The following ZNF736 variants were observed in gnomAD, a reference collection of about 807,000 sequenced individuals.
The protein encoded by ZNF736 is KRAB-containing zinc-finger repressor protein.
Under a neutral mutation model 11.7 loss-of-function variants are expected in ZNF736, and 6 were observed. The ratio of observed to expected loss-of-function variants is 0.51; its 90% CI spans 0.28 to 1.01. ZNF736 has a LOEUF of 1.01. Ranked by LOEUF, ZNF736 falls within the 50% of genes least tolerant of loss-of-function variation. The pLI, the probability that ZNF736 is intolerant of heterozygous loss-of-function variation, is 0.09. For missense variants in ZNF736, 444 were observed against 496.0 expected (o/e 0.90, Z 1.00); for synonymous variants, 139 against 164.7 (o/e 0.84, Z 1.19).
intron 1 of ZNF736, among the ~76,000 whole-genome samples, chr7:64,320,894 G>A (rs765484264): frequency 2.6e-5 from 4 of 152,056 alleles, no homozygotes; most frequent in Non-Finnish European, 5.9e-5. Context: ...GCATTTTGGG[G>A]TCATCTGAAG....
Position 64,349,016 on chromosome 7 carries a change from A to G in ZNF736, c.1153A>G (p.Thr385Ala), listed in dbSNP as rs774418023. The change falls in exon 4 of 4, where the codon ACT (threonine) becomes GCT (alanine). Residue 385 changes from threonine to alanine, a missense_variant. By Grantham distance (58) the Thr-to-Ala change is moderately conservative (BLOSUM62 0). Transcript: ENST00000423484. ...SKTFKCFSDL[T>A]NHKRIHTGEK... ...AACCTTTAAGTGCTTCTCAGACCTG[A>G]CTAATCATAAGAGAATTCACACTGG... The G allele has an allele frequency of 3.7e-6, 6 of 1,600,810 alleles. No homozygotes were observed. In the Admixed American group the frequency reaches 8.6e-5, roughly 23 times the overall value.
At chr7:64,338,514 A>G (rs555767583) in intron 3 of ZNF736, among the ~76,000 whole-genome samples, 553 of 152,256 alleles carry the variant, frequency 3.6e-3, no homozygotes, top group South Asian at 5.8e-3. Flanking sequence ...CTCCACCTCC[A>G]GGGCCTAGCA....
rs774859880 is a variant in ZNF736 at position 64,348,842 on chromosome 7, G to C, written c.979G>C (p.Ala327Pro). Residue 327 changes from alanine (A) to proline (P), a missense_variant, in exon 4 of 4, where the codon GCC (alanine) becomes CCC (proline). Ala to Pro is a conservative substitution (Grantham distance 27). Coordinates refer to ENST00000423484, the MANE Select transcript of ZNF736 (RefSeq NM_001170905.3). Reference sequence around the variant, plus strand: ...TGGAAAAGCTTTTAAGTGGTTCTCGGCCCTTAGTAAACATAAGAGAATTCA... The same window carrying C: ...TGGAAAAGCTTTTAAGTGGTTCTCGCCCCTTAGTAAACATAAGAGAATTCA... ...ECGKAFKWFS[A>P]LSKHKRIHTG... 1.6e-5 allele frequency: 25 copies of C among 1,594,580 alleles called. No individual in the cohort carries two copies. In the Admixed American group the frequency reaches 4.2e-4, roughly 27 times the overall value.
intron 3 of ZNF736, among the ~76,000 whole-genome samples, chr7:64,338,982 C>T (rs1335221562): frequency 6.6e-6 from 1 of 151,456 alleles, no homozygotes; most frequent in Non-Finnish European, 1.5e-5. Context: ...AATATATTGT[C>T]AACACTTGTT....
intron 3 of ZNF736, among the ~76,000 whole-genome samples, chr7:64,340,074 C>T (rs1316230660): frequency 6.6e-6 from 1 of 152,140 alleles, no homozygotes; most frequent in African/African-American, 2.4e-5. Flanking sequence ...ACGGAATTGC[C>T]TTTAGGACTT....
In ZNF736 at chr7:64,349,477, G is replaced by A. The variant is rs796217589; in HGVS notation, c.*330G>A. On this transcript the variant is annotated 3_prime_UTR_variant, in exon 4 of 4. Coordinates refer to ENST00000423484, the MANE Select transcript of ZNF736 (RefSeq NM_001170905.3). ...TATTTTGAGCTTATTTGAGATGGGT[G>A]TCTTGATTAAAGCATACCATTAGAT... is the stretch of plus-strand genomic sequence containing the variant. 1 of 200,332 alleles carries A rather than the reference G, an allele frequency of 5.0e-6. No homozygotes were observed. 12.4% of individuals were successfully genotyped at this position (200,332 alleles called of 1,614,324 possible).
intron 1 of ZNF736, among the ~76,000 whole-genome samples, chr7:64,332,783 A>G (rs1321147244): frequency 6.6e-6 from 1 of 152,126 alleles, no homozygotes; most frequent in African/African-American, 2.4e-5. Flanking sequence ...ATTCCTTGCT[A>G]GGAAAAGAAT....
intron 1 of ZNF736, among the ~76,000 whole-genome samples, chr7:64,334,885 C>T (rs910573988): frequency 1.3e-5 from 2 of 152,098 alleles, no homozygotes; most frequent in African/African-American, 4.8e-5. Flanking sequence ...TGCAGCCAAC[C>T]CAAATGCCCA....
chr7:64,340,847 T>C (rs553369401), intron 3 of ZNF736, among the ~76,000 whole-genome samples: 1 of 152,306 alleles, frequency 6.6e-6, no homozygotes, highest in African/African-American at 2.4e-5. Flanking sequence ...GTATCCTTGG[T>C]TGGTAGCATT....
At chr7:64,337,766 T>TTTTTTTTTTG (rs1562673693) in intron 3 of ZNF736, among the ~76,000 whole-genome samples, 1 of 147,016 alleles carries the variant, frequency 6.8e-6, no homozygotes, top group Non-Finnish European at 1.5e-5. Context: ...GTTTTTTTTT[T>TTTTTTTTTTG]TTTTTGAGAC....
intron 1 of ZNF736, among the ~76,000 whole-genome samples, chr7:64,333,272 A>G (rs888340996): frequency 6.6e-6 from 1 of 152,204 alleles, no homozygotes; most frequent in Non-Finnish European, 1.5e-5. Flanking sequence ...ATGATAGTCA[A>G]GGGGCTCTGA....
chr7:64,314,164 G>A lies in ZNF736; in HGVS notation c.3+11G>A, dbSNP rs376199141. On this transcript the variant is annotated intron_variant, in intron 1 of 3. Coordinates refer to ENST00000423484, the MANE Select transcript of ZNF736 (RefSeq NM_001170905.3). Reference sequence around the variant, plus strand: ...GGAGGCTGGGAAATGGTGAGTGCGTGGAGTGGGTGTCCCGAGAATGGGGAA... The same window carrying A: ...GGAGGCTGGGAAATGGTGAGTGCGTAGAGTGGGTGTCCCGAGAATGGGGAA... 417 of 1,552,108 alleles carry A rather than the reference G, an allele frequency of 2.7e-4. 1 individual carries two copies. The Middle Eastern group carries it at 3.0e-3, about 11-fold the overall frequency.
At chr7:64,318,133 A>G (rs1213459054) in intron 1 of ZNF736, among the ~76,000 whole-genome samples, 1 of 151,990 alleles carries the variant, frequency 6.6e-6, no homozygotes, top group Non-Finnish European at 1.5e-5. Flanking sequence ...TTTTAGAAAC[A>G]TAGGATTTTA....
chr7:64,315,287 A>T (rs1342429413), intron 1 of ZNF736, among the ~76,000 whole-genome samples: 1 of 152,178 alleles, frequency 6.6e-6, no homozygotes, highest in African/African-American at 2.4e-5. Context: ...GTTTACTTGC[A>T]CAAACAGTAA....
chr7:64,348,313 T>C lies in ZNF736; in HGVS notation c.450T>C (p.Cys150=). The C allele has an allele frequency of 6.4e-7, 1 of 1,551,818 alleles. No homozygotes were observed. The change falls in exon 4 of 4, where the codon TGT becomes TGC. Residue 150 remains cysteine, a synonymous_variant. Coordinates refer to ENST00000423484, the MANE Select transcript of ZNF736 (RefSeq NM_001170905.3). ...THSKTCQCNK[C]GRGFQLCSIF... ...GCAAAACCTGTCAATGTAATAAATG[T>C]GGCAGAGGTTTTCAGTTGTGCTCAA...
intron 3 of ZNF736, among the ~76,000 whole-genome samples, chr7:64,342,194 CTG>C (rs1789346450): frequency 6.6e-6 from 1 of 152,042 alleles, no homozygotes; most frequent in Non-Finnish European, 1.5e-5. Flanking sequence ...TTTTAAAAAT[CTG>C]TGCATTATGT....
chr7:64,336,749 G>A (rs1301738187), intron 2 of ZNF736, 138 bp from the exon 3 acceptor site: 2 of 755,096 alleles, frequency 2.6e-6, no homozygotes, highest in Non-Finnish European at 4.2e-6. Flanking sequence ...ATATTCTAAA[G>A]TTTCTGTTAG....
intron 1 of ZNF736, among the ~76,000 whole-genome samples, chr7:64,320,009 TAAAC>T (rs1181088629): frequency 6.6e-6 from 1 of 152,080 alleles, no homozygotes; most frequent in Non-Finnish European, 1.5e-5. Flanking sequence ...GAGAGAAGAC[TAAAC>T]AAACAAAACA....
intron 3 of ZNF736, among the ~76,000 whole-genome samples, chr7:64,337,743 TTTGTTTTTTTTGG>T (rs1312737314): frequency 1.5e-3 from 95 of 64,398 alleles, no homozygotes; most frequent in Admixed American, 2.1e-3. Context: ...TTTGTTTTGT[TTTGTTTTTTTTGG>T]TTTTTTTTTT....
Sources: allele counts gnomAD v4.1 joint callset (sites outside exome capture counted in the v4.1 genomes callset), GRCh38; gene constraint gnomAD v4.1.1; transcripts MANE v1.5; gene names NCBI Gene and HGNC (gene_info 2026-07-23, HGNC 2026-07-21).